Variants in SLC25A21 observed in about 807,000 individuals in gnomAD.
SLC25A21 encodes the protein mitochondrial 2-oxodicarboxylate carrier.
In SLC25A21, 47 loss-of-function variants were observed where a neutral mutation model predicts 43.8. The ratio of observed to expected loss-of-function variants is 1.07; its 90% CI spans 0.85 to 1.37. SLC25A21 has a LOEUF of 1.37. SLC25A21 is among the 40% of genes most tolerant of loss of function. The pLI is 0.00. For synonymous variants in SLC25A21, 131 were observed against 121.3 expected, an observed-to-expected ratio of 1.08 and a Z score of -0.52; for missense variants, 352 against 350.2, an observed-to-expected ratio of 1.00 and a Z score of -0.04.
intron 1 of SLC25A21, among the ~76,000 whole-genome samples, chr14:36,975,496 AT>A (rs1368013350): frequency 6.6e-6 from 1 of 152,244 alleles, no homozygotes; most frequent in Non-Finnish European, 1.5e-5. Flanking sequence ...TGAAGTGGAC[AT>A]TTCATTTGCA....
chr14:37,102,342 C>G (rs931476800), intron 1 of SLC25A21, among the ~76,000 whole-genome samples: 21 of 151,746 alleles, frequency 1.4e-4, no homozygotes, highest in African/African-American at 4.6e-4. Context: ...ACTCAGGAGG[C>G]TGAGGCAGGA....
At chr14:36,757,775 T>G (rs1885991856) in intron 3 of SLC25A21, among the ~76,000 whole-genome samples, 1 of 152,256 alleles carries the variant, frequency 6.6e-6, no homozygotes, top group Non-Finnish European at 1.5e-5. Context: ...TACCTTTTGA[T>G]GCCAAAGTCA....
chr14:37,082,002 G>A (rs561446434), intron 1 of SLC25A21, among the ~76,000 whole-genome samples: 14 of 152,132 alleles, frequency 9.2e-5, no homozygotes, highest in Admixed American at 2.6e-4. Flanking sequence ...AAAGATAGTG[G>A]TAAAAAAAGA....
intron 3 of SLC25A21, among the ~76,000 whole-genome samples, chr14:36,769,914 T>C (rs1431259600): frequency 1.3e-5 from 2 of 152,242 alleles, no homozygotes; most frequent in East Asian, 1.9e-4. Context: ...ACAGGGCCTA[T>C]CATGGATCCT....
chr14:36,685,428 T>C (rs902826366), intron 7 of SLC25A21, among the ~76,000 whole-genome samples: 7 of 152,196 alleles, frequency 4.6e-5, no homozygotes, highest in African/African-American at 1.4e-4. Context: ...TTGCATTTAT[T>C]TTCACGTGTA....
Position 36,679,032 on chromosome 14 carries a change from T to G in SLC25A21, c.*1626A>C, listed in dbSNP as rs1324061537. 8 of 985,318 alleles carry G rather than the reference T, an allele frequency of 8.1e-6. No individual in the cohort carries two copies. Among genetic ancestry groups the G allele is most frequent in the African/African-American group, 1.7e-5 (1 of 57,234 alleles). The allele number at this position is 985,318 out of a possible 1,614,324, so 61.0% of individuals were successfully genotyped here. On this transcript the variant is annotated 3_prime_UTR_variant, in exon 10 of 10. Transcript: ENST00000331299. The stretch of plus-strand genomic sequence containing the variant: ...GTTGCTTTTAAACTGGCAAATGCAC[T>G]CTTCAGAAATCCTTTTCTATCTGAT...
chr14:37,073,506 G>A (rs1962216049), intron 1 of SLC25A21, among the ~76,000 whole-genome samples: 1 of 152,128 alleles, frequency 6.6e-6, no homozygotes, highest in African/African-American at 2.4e-5. Flanking sequence ...AGCCACTACA[G>A]CCTGCCTGGG....
At chr14:37,067,425 A>G (rs1420662663) in intron 1 of SLC25A21, among the ~76,000 whole-genome samples, 1 of 152,212 alleles carries the variant, frequency 6.6e-6, no homozygotes, top group Admixed American at 6.5e-5. Flanking sequence ...CTGAGAGACA[A>G]TAACTGCCAA....
chr14:36,866,129 G>A (rs1459661829), intron 2 of SLC25A21, among the ~76,000 whole-genome samples: 1 of 152,002 alleles, frequency 6.6e-6, no homozygotes, highest in East Asian at 1.9e-4. Context: ...TGAGGTATTT[G>A]ACACGGGGTT....
At chr14:36,730,400 C>T (rs577447145) in intron 4 of SLC25A21, among the ~76,000 whole-genome samples, 1 of 152,298 alleles carries the variant, frequency 6.6e-6, no homozygotes, top group Admixed American at 6.5e-5. Flanking sequence ...GTCAACACCA[C>T]TGATAAGGCA....
chr14:36,953,342 A>G (rs1250772599), intron 1 of SLC25A21, among the ~76,000 whole-genome samples: 1 of 152,202 alleles, frequency 6.6e-6, no homozygotes, highest in Admixed American at 6.5e-5. Flanking sequence ...TTATAACATA[A>G]AGATGGCATA....
At chr14:37,001,322 A>C (rs1486205401) in intron 1 of SLC25A21, among the ~76,000 whole-genome samples, 2 of 152,140 alleles carry the variant, frequency 1.3e-5, no homozygotes, top group African/African-American at 4.8e-5. Flanking sequence ...GCATTGTTTC[A>C]TGGGATCTGT....
At chr14:36,731,999 A>T (rs1328733486) in intron 4 of SLC25A21, among the ~76,000 whole-genome samples, 4 of 151,930 alleles carry the variant, frequency 2.6e-5, no homozygotes, top group Admixed American at 2.6e-4. Flanking sequence ...TTTCTCAGGC[A>T]TTTCCAGCCT....
At chr14:37,118,147 G>A (rs1170657303) in intron 1 of SLC25A21, among the ~76,000 whole-genome samples, 1 of 151,982 alleles carries the variant, frequency 6.6e-6, no homozygotes, top group Non-Finnish European at 1.5e-5. Context: ...TATTCCAGAG[G>A]TCACAATATT....
At chr14:36,873,143 G>C (rs568707092) in intron 2 of SLC25A21, among the ~76,000 whole-genome samples, 2 of 152,254 alleles carry the variant, frequency 1.3e-5, no homozygotes, top group African/African-American at 4.8e-5. Context: ...CAATAATCTG[G>C]CTTCTCAAAG....
chr14:36,813,935 C>T lies in SLC25A21; in HGVS notation c.186G>A (p.Met62Ile). The T allele has an allele frequency of 6.2e-7, 1 of 1,606,720 alleles. No individual in the cohort carries two copies. Among genetic ancestry groups the T allele is most frequent in the Non-Finnish European group, 8.5e-7 (1 of 1,176,906 alleles). Residue 62 changes from methionine to isoleucine, a missense_variant, in exon 3 of 10, where the codon ATG becomes ATA. Met to Ile is a conservative substitution (Grantham distance 10). Transcript: ENST00000331299. ...SYKSLVDSFRMIFQMEGLFGF... is the reference protein window; with the variant it reads ...SYKSLVDSFRIIFQMEGLFGF... Reference sequence around the variant, plus strand: ...ATACATACCCTTCCATTTGGAAAATCATTCGAAAGCTGTCTACCAAGCTTT... The same window carrying T: ...ATACATACCCTTCCATTTGGAAAATTATTCGAAAGCTGTCTACCAAGCTTT...
At chr14:36,941,524 T>C (rs956289615) in intron 1 of SLC25A21, among the ~76,000 whole-genome samples, 1 of 152,000 alleles carries the variant, frequency 6.6e-6, no homozygotes, top group Non-Finnish European at 1.5e-5. Flanking sequence ...TTAATAAATG[T>C]TTTTACCACA....
chr14:37,098,374 C>G (rs1962742674), intron 1 of SLC25A21: 2 of 152,192 alleles, frequency 1.3e-5, no homozygotes, highest in South Asian at 2.1e-4. Flanking sequence ...GTGACTTTGA[C>G]CCAGCCAAGT....
intron 1 of SLC25A21, among the ~76,000 whole-genome samples, chr14:37,112,479 T>C (rs1963036845): frequency 1.3e-5 from 2 of 152,198 alleles, no homozygotes; most frequent in Admixed American, 6.5e-5. Flanking sequence ...CCAATATTCA[T>C]TCTCCTGTTC....
Sources: gnomAD v4.1 joint callset for allele counts (sites outside exome capture counted in the v4.1 genomes callset) on GRCh38, gnomAD v4.1.1 for gene constraint, MANE v1.5 for transcripts, NCBI Gene and HGNC (gene_info 2026-07-23, HGNC 2026-07-21) for gene names.